Variants in NLGN1 observed in about 807,000 individuals in gnomAD.
NLGN1 encodes neuroligin 1, also known as neuroligin-1.
In NLGN1, 12 loss-of-function variants were observed where a neutral mutation model predicts 65.5. That is an observed-to-expected ratio of 0.18 (90% CI 0.12 to 0.30). The LOEUF (loss-of-function observed/expected upper bound fraction) is 0.30. Ranked by LOEUF, NLGN1 falls within the 10% of genes least tolerant of loss-of-function variation. The pLI is 1.00. For synonymous variants in NLGN1, 350 were observed against 359.5 expected, an observed-to-expected ratio of 0.97 and a Z score of 0.30; for missense variants, 750 against 1,007.1, an observed-to-expected ratio of 0.74 and a Z score of 3.46.
At chr3:173,810,969 A>C (rs925393600) in intron 4 of NLGN1, among the ~76,000 whole-genome samples, 1 of 152,172 alleles carries the variant, frequency 6.6e-6, no homozygotes, top group African/African-American at 2.4e-5. Flanking sequence ...ATTGACAAAG[A>C]GGGAAGGGAA....
intron 4 of NLGN1, among the ~76,000 whole-genome samples, chr3:174,204,665 A>T (rs1203194256): frequency 2.0e-5 from 3 of 152,242 alleles, no homozygotes; most frequent in African/African-American, 7.2e-5. Context: ...GGTAAATTAT[A>T]GAAGATTGTG....
intron 3 of NLGN1, among the ~76,000 whole-genome samples, chr3:173,745,013 C>T (rs1222743584): frequency 6.6e-6 from 1 of 152,056 alleles, no homozygotes; most frequent in African/African-American, 2.4e-5. Flanking sequence ...CTAAGAGGTA[C>T]TGTTGGATCC....
At chr3:173,441,532 A>G (rs564914760) in intron 2 of NLGN1, among the ~76,000 whole-genome samples, 1 of 152,122 alleles carries the variant, frequency 6.6e-6, no homozygotes, top group Admixed American at 6.6e-5. Flanking sequence ...GTCTCTGGTA[A>G]TAGGGAGGCA....
intron 4 of NLGN1, among the ~76,000 whole-genome samples, chr3:174,237,970 T>C (rs1489458269): frequency 6.6e-6 from 1 of 152,218 alleles, no homozygotes; most frequent in African/African-American, 2.4e-5. Context: ...AATAAGACTT[T>C]TAATTCCTTT....
At chr3:173,485,231 C>T (rs968202927) in intron 2 of NLGN1, among the ~76,000 whole-genome samples, 10 of 151,908 alleles carry the variant, frequency 6.6e-5, no homozygotes, top group African/African-American at 2.4e-4. Flanking sequence ...TCAGTCATCT[C>T]CCACTGAGTC....
At chr3:173,904,131 A>G (rs1737895020) in intron 4 of NLGN1, among the ~76,000 whole-genome samples, 1 of 152,184 alleles carries the variant, frequency 6.6e-6, no homozygotes. Context: ...TGAAAAGTCA[A>G]ACTATCAATG....
At chr3:174,185,403 C>T (rs1022281562) in intron 4 of NLGN1, among the ~76,000 whole-genome samples, 8 of 151,942 alleles carry the variant, frequency 5.3e-5, no homozygotes, top group Admixed American at 3.3e-4. Context: ...GGCCACTGAA[C>T]GCTTGAAATG....
chr3:174,181,471 T>C (rs1226711964), intron 4 of NLGN1, among the ~76,000 whole-genome samples: 1 of 152,148 alleles, frequency 6.6e-6, no homozygotes, highest in African/African-American at 2.4e-5. Flanking sequence ...TACTTCATGC[T>C]CTCTCAATCC....
intron 3 of NLGN1, among the ~76,000 whole-genome samples, chr3:173,782,590 A>G (rs1781336025): frequency 1.3e-5 from 2 of 152,008 alleles, no homozygotes; most frequent in East Asian, 1.9e-4. Flanking sequence ...AAATAACTGT[A>G]GGTATTTTAT....
At chr3:173,762,649 A>G (rs1300450316) in intron 3 of NLGN1, among the ~76,000 whole-genome samples, 1 of 152,048 alleles carries the variant, frequency 6.6e-6, no homozygotes, top group Admixed American at 6.6e-5. Context: ...ATTAACTGTT[A>G]TAAACCATTA....
intron 4 of NLGN1, among the ~76,000 whole-genome samples, chr3:174,088,752 C>G (rs1020725916): frequency 9.8e-5 from 13 of 132,124 alleles, no homozygotes; most frequent in African/African-American, 3.7e-4. Flanking sequence ...GACTCCATCT[C>G]AATAAAAATA....
At chr3:174,252,166 C>G (rs563623372) in intron 4 of NLGN1, among the ~76,000 whole-genome samples, 3 of 152,026 alleles carry the variant, frequency 2.0e-5, no homozygotes, top group South Asian at 2.1e-4. Context: ...TAAAACAGGC[C>G]TCACATATTC....
At chr3:174,074,100 T>A (rs556640455) in intron 4 of NLGN1, among the ~76,000 whole-genome samples, 4 of 152,292 alleles carry the variant, frequency 2.6e-5, no homozygotes, top group Non-Finnish European at 4.4e-5. Flanking sequence ...CTTTTGGGAA[T>A]GTTTGTAACA....
intron 4 of NLGN1, among the ~76,000 whole-genome samples, chr3:173,992,203 A>G (rs1464714485): frequency 6.6e-6 from 1 of 152,096 alleles, no homozygotes. Flanking sequence ...ACACACACAT[A>G]ATATATGTAT....
At chr3:173,702,016 G>A (rs1193166563) in intron 3 of NLGN1, among the ~76,000 whole-genome samples, 1 of 152,086 alleles carries the variant, frequency 6.6e-6, no homozygotes, top group Non-Finnish European at 1.5e-5. Flanking sequence ...GAGGCGGGTG[G>A]ATCACGAGGT....
intron 3 of NLGN1, among the ~76,000 whole-genome samples, chr3:173,643,997 A>C (rs1757822951): frequency 6.6e-6 from 1 of 152,160 alleles, no homozygotes; most frequent in African/African-American, 2.4e-5. Flanking sequence ...GCTGCAGATC[A>C]CCTGAGCCCT....
At chr3:173,452,603 A>G (rs1276317828) in intron 2 of NLGN1, among the ~76,000 whole-genome samples, 1 of 152,244 alleles carries the variant, frequency 6.6e-6, no homozygotes, top group Non-Finnish European at 1.5e-5. Context: ...TGATATGAAC[A>G]GGCCTGTTTT....
intron 2 of NLGN1, among the ~76,000 whole-genome samples, chr3:173,435,594 G>A (rs1417043779): frequency 6.6e-6 from 1 of 152,166 alleles, no homozygotes; most frequent in East Asian, 1.9e-4. Flanking sequence ...CAGCACTTTG[G>A]GAGACTGAGG....
chr3:174,208,049 C>T (rs930262291), intron 4 of NLGN1, among the ~76,000 whole-genome samples: 1 of 152,178 alleles, frequency 6.6e-6, no homozygotes, highest in Non-Finnish European at 1.5e-5. Flanking sequence ...TTTATTTTAA[C>T]AGAGACTCCT....
Sources: allele counts gnomAD v4.1 joint callset (sites outside exome capture counted in the v4.1 genomes callset), GRCh38; gene constraint gnomAD v4.1.1; transcripts MANE v1.5; gene names NCBI Gene and HGNC (gene_info 2026-07-23, HGNC 2026-07-21).